Variants in LRMDA observed in about 807,000 individuals in gnomAD.
LRMDA encodes leucine rich melanocyte differentiation associated.
A neutral mutation model predicts 29.8 loss-of-function variants in LRMDA; 18 were observed. The ratio of observed to expected loss-of-function variants is 0.60; its 90% CI spans 0.42 to 0.90. The LOEUF (loss-of-function observed/expected upper bound fraction) is 0.90, where lower values mean the gene tolerates loss of function less well. Among genes scored for constraint, LRMDA ranks in the 40% least tolerant of loss-of-function variants. The pLI, the probability that LRMDA is intolerant of heterozygous loss-of-function variation, is 0.00. For synonymous variants in LRMDA, 125 were observed against 109.4 expected (o/e 1.14, Z -0.89); for missense variants, 273 against 273.9 (o/e 1.00, Z 0.02).
chr10:76,143,275 C>T (rs1850241449), intron 5 of LRMDA, among the ~76,000 whole-genome samples: 1 of 152,180 alleles, frequency 6.6e-6, no homozygotes, highest in South Asian at 2.1e-4. Context: ...ACACTGACTT[C>T]CACAAGGGTT....
At chr10:75,609,435 T>C (rs1841000432) in intron 2 of LRMDA, among the ~76,000 whole-genome samples, 1 of 152,216 alleles carries the variant, frequency 6.6e-6, no homozygotes, top group Non-Finnish European at 1.5e-5. Context: ...ACAATATCTG[T>C]GGCCATACCA....
At chr10:76,551,472 G>A (rs192634649) in intron 6 of LRMDA, among the ~76,000 whole-genome samples, 9 of 152,242 alleles carry the variant, frequency 5.9e-5, no homozygotes, top group Non-Finnish European at 1.5e-5. Flanking sequence ...TGTACCAAGT[G>A]CAGATGCTCT....
intron 6 of LRMDA, among the ~76,000 whole-genome samples, chr10:76,429,815 C>G (rs1157346700): frequency 6.6e-6 from 1 of 152,090 alleles, no homozygotes; most frequent in African/African-American, 2.4e-5. Flanking sequence ...CTGTAGGGCT[C>G]CTTGGGTTTC....
chr10:75,936,088 G>A (rs1846286848), intron 2 of LRMDA, among the ~76,000 whole-genome samples: 1 of 152,142 alleles, frequency 6.6e-6, no homozygotes, highest in Admixed American at 6.5e-5. Context: ...AGTTTGGTAA[G>A]ATGTCTCCTT....
At chr10:75,518,699 C>T (rs1845323598) in intron 2 of LRMDA, among the ~76,000 whole-genome samples, 1 of 152,106 alleles carries the variant, frequency 6.6e-6, no homozygotes, top group South Asian at 2.1e-4. Flanking sequence ...GTCTCTATCT[C>T]CTTCAGTTCT....
chr10:76,005,927 TTAAA>T (rs10590818), intron 2 of LRMDA, among the ~76,000 whole-genome samples: 33,592 of 148,368 alleles, frequency 0.23, 4,099 homozygotes, highest in East Asian at 0.34. Context: ...AGACTCCATC[TTAAA>T]TAAATAAATA....
At chr10:76,394,401 A>G (rs2132487813) in intron 6 of LRMDA, among the ~76,000 whole-genome samples, 1 of 152,278 alleles carries the variant, frequency 6.6e-6, no homozygotes, top group South Asian at 2.1e-4. Context: ...ACTGGCAATC[A>G]TATATTTTGT....
At chr10:76,475,767 A>G (rs1213699604) in intron 6 of LRMDA, among the ~76,000 whole-genome samples, 1 of 152,160 alleles carries the variant, frequency 6.6e-6, no homozygotes, top group Non-Finnish European at 1.5e-5. Context: ...GCTCAACTAC[A>G]TGGAAACTGA....
intron 6 of LRMDA, among the ~76,000 whole-genome samples, chr10:76,553,018 C>T (rs1037734754): frequency 6.6e-5 from 10 of 152,160 alleles, no homozygotes; most frequent in Admixed American, 6.5e-4. Context: ...GATAAAGGGC[C>T]TCTTTAAAAC....
At position 76,293,067 on chromosome 10, in the gene LRMDA, G is replaced by A. The variant is rs367825206; in HGVS notation, c.517-31334G>A. On this transcript the variant is annotated intron_variant, in intron 5 of 6. Coordinates refer to ENST00000611255, the MANE Select transcript of LRMDA (RefSeq NM_001305581.2). The stretch of plus-strand genomic sequence containing the variant: ...CGGCTCACTGCAAGCTCCACCTCCC[G>A]CCTCCCAGGTTCATGCAATTCTCTT... Among the ~76,000 whole-genome samples, 368 of 152,174 alleles carry A rather than the reference G, an allele frequency of 2.4e-3. 1 individual carries two copies. The highest frequency in any genetic ancestry group is 8.3e-3 in the African/African-American group (343 of 41,528).
At chr10:76,176,824 G>T (rs1469587220) in intron 5 of LRMDA, among the ~76,000 whole-genome samples, 1 of 152,172 alleles carries the variant, frequency 6.6e-6, no homozygotes, top group Non-Finnish European at 1.5e-5. Flanking sequence ...TGCCAAGGTA[G>T]ACCGTAACCC....
chr10:76,438,064 C>T (rs548061562), intron 6 of LRMDA, among the ~76,000 whole-genome samples: 3 of 152,284 alleles, frequency 2.0e-5, no homozygotes, highest in African/African-American at 7.2e-5. Flanking sequence ...CTTGAGATCA[C>T]ATATGCCCAA....
intron 5 of LRMDA, among the ~76,000 whole-genome samples, chr10:76,245,222 A>G (rs1406147484): frequency 6.6e-6 from 1 of 152,172 alleles, no homozygotes; most frequent in African/African-American, 2.4e-5. Context: ...TCCGTCATCC[A>G]GGGGAGAACT....
At chr10:76,406,379 G>A (rs1027221234) in intron 6 of LRMDA, among the ~76,000 whole-genome samples, 6 of 152,148 alleles carry the variant, frequency 3.9e-5, no homozygotes, top group African/African-American at 7.2e-5. Flanking sequence ...ATGAACTATC[G>A]TATTTTCTTA....
intron 6 of LRMDA, among the ~76,000 whole-genome samples, chr10:76,385,685 C>G (rs1358192444): frequency 2.6e-5 from 4 of 152,176 alleles, no homozygotes; most frequent in Non-Finnish European, 5.9e-5. Context: ...TTGAAGTTTT[C>G]TAGCTCCTTC....
At chr10:76,253,438 A>G (rs2132299506) in intron 5 of LRMDA, among the ~76,000 whole-genome samples, 1 of 152,120 alleles carries the variant, frequency 6.6e-6, no homozygotes, top group Non-Finnish European at 1.5e-5. Flanking sequence ...CTGATCTACC[A>G]GCTGAATAAC....
intron 6 of LRMDA, among the ~76,000 whole-genome samples, chr10:76,455,848 G>C (rs1177222998): frequency 6.6e-6 from 1 of 152,102 alleles, no homozygotes; most frequent in Non-Finnish European, 1.5e-5. Context: ...ATAATGGAAG[G>C]GAATGTCCCA....
At chr10:75,536,599 T>G (rs1362560896) in intron 2 of LRMDA, among the ~76,000 whole-genome samples, 1 of 152,220 alleles carries the variant, frequency 6.6e-6, no homozygotes, top group Non-Finnish European at 1.5e-5. Flanking sequence ...AGCCTCACTC[T>G]GCTGCCCAGG....
intron 6 of LRMDA, among the ~76,000 whole-genome samples, chr10:76,503,210 T>C (rs1461902694): frequency 6.6e-6 from 1 of 152,002 alleles, no homozygotes; most frequent in African/African-American, 2.4e-5. Context: ...TTGATTTGTA[T>C]ATATTGAACC....
Sources: allele counts gnomAD v4.1 joint callset (sites outside exome capture counted in the v4.1 genomes callset), GRCh38; gene constraint gnomAD v4.1.1; transcripts MANE v1.5; gene names NCBI Gene and HGNC (gene_info 2026-07-23, HGNC 2026-07-21).